Variants in COL18A1 observed in about 807,000 individuals in gnomAD.
COL18A1 encodes collagen type XVIII alpha 1 chain.
COL18A1 carries 133 observed loss-of-function variants against 168.0 expected under a neutral mutation model. The ratio of observed to expected loss-of-function variants is 0.79; its 90% CI spans 0.69 to 0.91. COL18A1 has a LOEUF of 0.91. Ranked by LOEUF, COL18A1 falls within the 40% of genes least tolerant of loss-of-function variation. The pLI, the probability that COL18A1 is intolerant of heterozygous loss-of-function variation, is 0.00. For missense variants in COL18A1, 2,126 were observed against 1,925.4 expected (o/e 1.10, Z -1.95); for synonymous variants, 949 against 809.0 (o/e 1.17, Z -2.94).
intron 26 of COL18A1, 97 bp from the exon 27 acceptor site, chr21:45,494,448 G>T: frequency 1.9e-6 from 3 of 1,567,568 alleles, no homozygotes; most frequent in Non-Finnish European, 2.6e-6. Flanking sequence ...GGCACAAGCC[G>T]CCACCTAACC....
chr21:45,417,609 C>T (rs1778338727), intron 2 of COL18A1, among the ~76,000 whole-genome samples: 1 of 149,550 alleles, frequency 6.7e-6, no homozygotes, highest in Non-Finnish European at 1.5e-5. Flanking sequence ...ACTTCTGCTC[C>T]CTCCAGCTCC....
At chr21:45,405,521 T>C in intron 2 of COL18A1, 48 bp downstream of exon 2, 1 of 1,182,974 alleles carries the variant, frequency 8.5e-7, no homozygotes, top group Non-Finnish European at 1.1e-6. Context: ...CCCGCCGGCC[T>C]CGCCGCCCTG....
chr21:45,496,781 C>T (rs923179505), intron 30 of COL18A1, among the ~76,000 whole-genome samples: 19 of 152,244 alleles, frequency 1.2e-4, no homozygotes, highest in African/African-American at 4.3e-4. Flanking sequence ...CTGCTTCCAG[C>T]TGGCTCTGCT....
chr21:45,429,374 G>A (rs573285233), intron 2 of COL18A1, among the ~76,000 whole-genome samples: 8 of 152,276 alleles, frequency 5.3e-5, no homozygotes, highest in African/African-American at 1.9e-4. Flanking sequence ...GATGGTCGCT[G>A]TCAGCGATGG....
intron 2 of COL18A1, among the ~76,000 whole-genome samples, chr21:45,448,089 C>T (rs1174006618): frequency 2.0e-5 from 3 of 152,226 alleles, no homozygotes; most frequent in Admixed American, 2.0e-4. Context: ...AGAGGTAGAG[C>T]TGGCATAGGG....
intron 4 of COL18A1, among the ~76,000 whole-genome samples, chr21:45,474,387 T>TA: frequency 7.9e-6 from 1 of 126,384 alleles, no homozygotes; most frequent in African/African-American, 3.8e-5. Context: ...GTTGTGTGTG[T>TA]TGTATGTGTG....
intron 26 of COL18A1, chr21:45,494,159 C>T (rs1003309365): frequency 6.6e-5 from 27 of 407,260 alleles, no homozygotes; most frequent in Non-Finnish European, 1.2e-4. Context: ...ACACAGGATC[C>T]CCAGGCCCAG....
Position 45,492,571 on chromosome 21 carries a change from G to A in COL18A1, c.2187+7G>A. 1.9e-6 allele frequency: 3 copies of A among 1,613,178 alleles called. No individual in the cohort carries two copies. The highest frequency in any genetic ancestry group is 1.7e-6 in the Non-Finnish European group (2 of 1,180,002). On this transcript the variant is annotated splice_region_variant and intron_variant, in intron 23 of 41. Coordinates refer to ENST00000651438, the MANE Select transcript of COL18A1 (RefSeq NM_001379500.1). ...GAGCGTGCCGGGACCTGAGGTATGT[G>A]CCTGCCCAGCTTCTAAGAGACGGGC...
At position 45,471,865 on chromosome 21, in the gene COL18A1, C is replaced by A. The variant is rs1222052895; in HGVS notation, c.652-2030C>A. 2.0e-5 allele frequency among the ~76,000 whole-genome samples: 3 copies of A among 152,318 alleles called. No individual in the cohort carries two copies. Among genetic ancestry groups the A allele is most frequent in the African/African-American group, 7.2e-5 (3 of 41,580 alleles). On this transcript the variant is annotated intron_variant, in intron 3 of 41. Transcript: ENST00000651438. This position sits in a 1 kb window ranked among gnomAD's most constrained non-coding sequence, Gnocchi z 4.4. ...CTCTGTTTCAGGTGTCTCCGGATTT[C>A]ATAACTTTCAGTCCGAAGTCCCTTA...
rs1210183162 is a variant in COL18A1 at position 45,457,013 on chromosome 21, G to A, written c.107-11229G>A. The A allele has an allele frequency of 1.3e-6, 1 of 741,674 alleles. No individual in the cohort carries two copies. The highest frequency in any genetic ancestry group is 3.2e-5 in the East Asian group (1 of 31,204). 45.9% of individuals were successfully genotyped at this position (741,674 alleles called of 1,614,324 possible). On this transcript the variant is annotated intron_variant, in intron 2 of 41. Transcript: ENST00000651438. The surrounding 1 kb of genome is among the most constrained non-coding windows in gnomAD (Gnocchi z 4.6). Reference sequence around the variant, plus strand: ...TACGTTCAGGGGCCCGTGGCCCTCGGGAGGTGGGAGAGCTGGGAGTGAGGC... The same window carrying A: ...TACGTTCAGGGGCCCGTGGCCCTCGAGAGGTGGGAGAGCTGGGAGTGAGGC...
chr21:45,456,943 G>C, intron 2 of COL18A1: 1 of 1,294,310 alleles, frequency 7.7e-7, no homozygotes, highest in Non-Finnish European at 1.0e-6. Context: ...AAGTGTGGGC[G>C]GGGCTGACGT....
intron 2 of COL18A1, among the ~76,000 whole-genome samples, chr21:45,417,686 T>C (rs745543520): frequency 6.6e-6 from 1 of 152,146 alleles, no homozygotes; most frequent in African/African-American, 2.4e-5. Context: ...GACTGTGGGG[T>C]GACCGCTCTC....
rs1432153692 is a variant in COL18A1 at position 45,423,219 on chromosome 21, T to C, written c.106+17746T>C. Among the ~76,000 whole-genome samples the C allele has an allele frequency of 6.6e-6, 1 of 152,152 alleles. No individual in the cohort carries two copies. Among genetic ancestry groups the C allele is most frequent in the Admixed American group, 6.5e-5 (1 of 15,282 alleles). On this transcript the variant is annotated intron_variant, in intron 2 of 41. Transcript: ENST00000651438. The surrounding 1 kb of genome is among the most constrained non-coding windows in gnomAD (Gnocchi z 4.0). Reference sequence around the variant, plus strand: ...CTTAAGGGAGTTGGAAACCATGGCTTATGTTCCATGGTGACATGGTTCTTG... The same window carrying C: ...CTTAAGGGAGTTGGAAACCATGGCTCATGTTCCATGGTGACATGGTTCTTG...
chr21:45,476,360 C>T lies in COL18A1; in HGVS notation c.808C>T (p.Leu270=), dbSNP rs773835415. 2 of 1,613,990 alleles carry T rather than the reference C, an allele frequency of 1.2e-6. No individual in the cohort carries two copies. The highest frequency in any genetic ancestry group is 3.3e-5 in the Admixed American group (2 of 60,010). ...CCCTCTCGTCCTCCAGGGCGCGGCC[C>T]TAAAACCCAGGCTCCCCGCGCCACC... ...ELLREETGAA[L]KPRLPAPPPV... is the part of the protein sequence containing the mutation. Residue 270 remains leucine, a synonymous_variant, in exon 6 of 42, where the codon CTA becomes TTA. Coordinates refer to ENST00000651438, the MANE Select transcript of COL18A1 (RefSeq NM_001379500.1).
intron 2 of COL18A1, among the ~76,000 whole-genome samples, chr21:45,464,450 G>A (rs567361380): frequency 6.6e-6 from 1 of 152,322 alleles, no homozygotes; most frequent in Admixed American, 6.5e-5. Context: ...TCAGGTGGGG[G>A]CACCGTGTCC....
In COL18A1 at chr21:45,480,521, G is replaced by T; in HGVS notation, c.1452+1G>T. 2.5e-6 allele frequency: 4 copies of T among 1,614,126 alleles called. No individual in the cohort carries two copies. Among genetic ancestry groups the T allele is most frequent in the African/African-American group, 2.7e-5 (2 of 75,056 alleles). On this transcript the variant is annotated splice_donor_variant, in intron 12 of 41. Transcript: ENST00000651438. LOFTEE classifies it high-confidence loss of function. ...CGGGGGCGATCTGGAGGCCCTGCGG[G>T]TGAGTGGCCCTTAAACTGCAGCGCT...
intron 26 of COL18A1, chr21:45,494,249 C>A: frequency 2.3e-6 from 1 of 439,652 alleles, no homozygotes; most frequent in Non-Finnish European, 4.2e-6. Context: ...CACATGCCCT[C>A]CACCCTCCAC....
intron 8 of COL18A1, 98 bp from the exon 9 acceptor site, chr21:45,478,229 G>T (rs762966603): frequency 2.0e-6 from 3 of 1,533,100 alleles, no homozygotes; most frequent in African/African-American, 1.4e-5. Flanking sequence ...CTGCCGCCTC[G>T]TGGGGACTTG....
rs1363413212 is a variant in COL18A1 at position 45,503,968 on chromosome 21, C to G, written c.2684-43C>G. The G allele has an allele frequency of 8.1e-6, 13 of 1,612,102 alleles. No individual in the cohort carries two copies. The South Asian group carries it at 1.4e-4, about 18-fold the overall frequency. ...GGCTGCAGAGGGAACCCGGCGCTGT[C>G]AGACACCACCTCAGCGAGACCCCGC... On this transcript the variant is annotated intron_variant, in intron 32 of 41. Transcript: ENST00000651438.
Sources: gnomAD v4.1 joint callset for allele counts (sites outside exome capture counted in the v4.1 genomes callset) on GRCh38, gnomAD v4.1.1 for gene constraint, Gnocchi (gnomAD v3.1) non-coding constraint, MANE v1.5 for transcripts, NCBI Gene and HGNC (gene_info 2026-07-23, HGNC 2026-07-21) for gene names.